Variants in NBEA observed in about 807,000 individuals in gnomAD.
The protein encoded by NBEA is neurobeachin.
Under a neutral mutation model 343.4 loss-of-function variants are expected in NBEA, and 44 were observed. The observed-to-expected ratio is 0.13, with a 90% CI of 0.10 to 0.16. The LOEUF is 0.16. Among genes scored for constraint, NBEA ranks in the 10% least tolerant of loss-of-function variants. The pLI, the probability that NBEA is intolerant of heterozygous loss-of-function variation, is 1.00. For missense variants in NBEA, 2,555 were observed against 3,631.3 expected, an observed-to-expected ratio of 0.70 and a Z score of 7.62; for synonymous variants, 1,175 against 1,238.7, an observed-to-expected ratio of 0.95 and a Z score of 1.08.
chr13:35,292,610 G>C (rs947246552), intron 35 of NBEA, among the ~76,000 whole-genome samples: 2 of 151,968 alleles, frequency 1.3e-5, no homozygotes, highest in African/African-American at 4.8e-5. Flanking sequence ...TTGCTCTACA[G>C]ACAGCCCTTT....
chr13:35,434,581 A>C (rs950766344), intron 39 of NBEA, among the ~76,000 whole-genome samples: 1 of 152,148 alleles, frequency 6.6e-6, no homozygotes, highest in Non-Finnish European at 1.5e-5. Context: ...GACTAAAGAG[A>C]ACTAAAACAA....
chr13:35,604,250 T>G (rs2082187765), intron 47 of NBEA, among the ~76,000 whole-genome samples: 1 of 152,212 alleles, frequency 6.6e-6, no homozygotes, highest in African/African-American at 2.4e-5. Flanking sequence ...TGGTTTTTCT[T>G]TCAGCCTCTT....
chr13:35,615,739 G>A (rs997765393), intron 48 of NBEA, among the ~76,000 whole-genome samples: 1 of 152,184 alleles, frequency 6.6e-6, no homozygotes, highest in Non-Finnish European at 1.5e-5. Context: ...GGTGGTGGCA[G>A]GCAAGAGGAG....
rs375567223 is a variant in NBEA, at chr13:35,639,680, C to A, written c.7618-6189C>A. The stretch of plus-strand genomic sequence containing the variant: ...ATCTTTTTCTGTTTTCTCAAGCAAC[C>A]ACTTTTACTACTTTTTTCTTGAATT... On this transcript the variant is annotated intron_variant, in intron 49 of 58. Coordinates refer to ENST00000379939, the MANE Select transcript of NBEA (RefSeq NM_001385012.1). Among the ~76,000 whole-genome samples the A allele has an allele frequency of 9.2e-5, 14 of 152,100 alleles. No individual in the cohort carries two copies. In the South Asian group the frequency reaches 2.9e-3, roughly 32 times the overall value.
chr13:35,444,481 T>G (rs1302722776), intron 39 of NBEA, among the ~76,000 whole-genome samples: 1 of 151,938 alleles, frequency 6.6e-6, no homozygotes, highest in Non-Finnish European at 1.5e-5. Flanking sequence ...ACTAAAAGAG[T>G]GGTAGACTTC....
intron 44 of NBEA, among the ~76,000 whole-genome samples, chr13:35,561,157 G>T (rs1237675718): frequency 1.3e-5 from 2 of 151,902 alleles, no homozygotes; most frequent in Non-Finnish European, 2.9e-5. Flanking sequence ...CTTATGATAG[G>T]GCATCCTTAG....
At chr13:35,058,605 CTAT>C in intron 7 of NBEA, 109 bp from the exon 8 acceptor site, 1 of 838,366 alleles carries the variant, frequency 1.2e-6, no homozygotes, top group Admixed American at 2.8e-5. Context: ...ATGCTTTCTT[CTAT>C]TATTATTGTT....
intron 36 of NBEA, among the ~76,000 whole-genome samples, chr13:35,324,371 T>A (rs1032922930): frequency 6.6e-6 from 1 of 152,236 alleles, no homozygotes; most frequent in Non-Finnish European, 1.5e-5. Context: ...TTTATATTCC[T>A]CATGTCCTGT....
intron 33 of NBEA, among the ~76,000 whole-genome samples, chr13:35,227,333 T>A (rs1157648757): frequency 6.6e-6 from 1 of 152,072 alleles, no homozygotes; most frequent in Non-Finnish European, 1.5e-5. Context: ...TTGAGTTGTG[T>A]CAATTCCTAG....
At chr13:35,254,308 A>T (rs1012090962) in intron 34 of NBEA, among the ~76,000 whole-genome samples, 3 of 150,298 alleles carry the variant, frequency 2.0e-5, no homozygotes, top group African/African-American at 7.3e-5. Context: ...TAAGTTTCTA[A>T]CATTTTTATT....
At chr13:35,670,048 TTTG>T (rs1448906043) in intron 58 of NBEA, among the ~76,000 whole-genome samples, 3 of 152,202 alleles carry the variant, frequency 2.0e-5, no homozygotes, top group African/African-American at 7.2e-5. Context: ...TTTTGATTAT[TTTG>T]TTGTTTTATA....
At chr13:35,221,036 T>G (rs1312297450) in intron 33 of NBEA, among the ~76,000 whole-genome samples, 1 of 152,138 alleles carries the variant, frequency 6.6e-6, no homozygotes, top group Non-Finnish European at 1.5e-5. Flanking sequence ...AATTTCCATT[T>G]GACTTTTGTG....
chr13:34,958,521 TGGG>T (rs764943769), intron 1 of NBEA, among the ~76,000 whole-genome samples: 7,118 of 152,134 alleles, frequency 0.047, 251 homozygotes, highest in Non-Finnish European at 0.069. Flanking sequence ...TTTTAAAAAT[TGGG>T]TCAGGATTTG....
At chr13:35,408,216 C>G (rs1341530496) in intron 38 of NBEA, among the ~76,000 whole-genome samples, 1 of 152,136 alleles carries the variant, frequency 6.6e-6, no homozygotes, top group African/African-American at 2.4e-5. Flanking sequence ...ATACATACCA[C>G]TATTTGATCT....
chr13:35,227,728 A>G (rs1456345524), intron 33 of NBEA, among the ~76,000 whole-genome samples: 1 of 152,074 alleles, frequency 6.6e-6, no homozygotes, highest in East Asian at 1.9e-4. Context: ...CTAAGTACCT[A>G]GGAGAATACA....
chr13:35,172,207 TC>T (rs2070517606), intron 26 of NBEA, among the ~76,000 whole-genome samples: 1 of 152,024 alleles, frequency 6.6e-6, no homozygotes, highest in South Asian at 2.1e-4. Flanking sequence ...CCTTTCTGAT[TC>T]AAGAAAGGAA....
chr13:35,070,193 T>A, intron 9 of NBEA, 88 bp downstream of exon 9: 1 of 1,276,544 alleles, frequency 7.8e-7, no homozygotes, highest in East Asian at 2.8e-5. Context: ...CATCTATAAA[T>A]CTATGATTTT....
chr13:35,098,426 G>A, intron 11 of NBEA, 21 bp downstream of exon 11: 1 of 1,502,826 alleles, frequency 6.7e-7, no homozygotes, highest in Admixed American at 1.9e-5. Flanking sequence ...TGTGTTGATG[G>A]TTTTATTGTG....
intron 34 of NBEA, among the ~76,000 whole-genome samples, chr13:35,248,756 G>A (rs1025581461): frequency 6.6e-6 from 1 of 152,038 alleles, no homozygotes. Flanking sequence ...AATGTTGTTG[G>A]GCCCTTACCT....
Sources: gnomAD v4.1 joint callset for allele counts (sites outside exome capture counted in the v4.1 genomes callset) on GRCh38, gnomAD v4.1.1 for gene constraint, MANE v1.5 for transcripts, NCBI Gene and HGNC (gene_info 2026-07-23, HGNC 2026-07-21) for gene names.